EXOSC5: variants seen among roughly 807,000 people sequenced by gnomAD.
EXOSC5 encodes exosome component 5.
In EXOSC5, 15 loss-of-function variants were observed where a neutral mutation model predicts 23.7. That is an observed-to-expected ratio of 0.63 (90% CI 0.42 to 0.97). The LOEUF is 0.97. EXOSC5 is among the 50% of genes least tolerant of loss of function. The pLI, the probability that EXOSC5 is intolerant of heterozygous loss-of-function variation, is 0.00. For synonymous variants in EXOSC5, 143 were observed against 140.9 expected, an observed-to-expected ratio of 1.02 and a Z score of -0.11; for missense variants, 305 against 316.3, an observed-to-expected ratio of 0.96 and a Z score of 0.27.
intron 2 of EXOSC5, 61 bp from the exon 3 acceptor site, chr19:41,392,023 C>A (rs1042461385): frequency 3.2e-6 from 5 of 1,538,474 alleles, no homozygotes; most frequent in East Asian, 2.5e-5. Flanking sequence ...TTCCTCCATA[C>A]GCCTCACCCA....
At chr19:41,387,179 C>T (rs2038990685) in intron 5 of EXOSC5, among the ~76,000 whole-genome samples, 1 of 152,182 alleles carries the variant, frequency 6.6e-6, no homozygotes, top group Non-Finnish European at 1.5e-5. Context: ...CTTTTGCAGA[C>T]AGTCATGTCC....
intron 4 of EXOSC5, among the ~76,000 whole-genome samples, chr19:41,388,077 A>ATT (rs2038997781): frequency 6.6e-6 from 1 of 152,114 alleles, no homozygotes; most frequent in Non-Finnish European, 1.5e-5. Flanking sequence ...AAGCGCAGCC[A>ATT]TTTTTTGTCT....
intron 4 of EXOSC5, among the ~76,000 whole-genome samples, chr19:41,388,322 A>G (rs1002674137): frequency 1.3e-5 from 2 of 152,028 alleles, no homozygotes; most frequent in African/African-American, 4.8e-5. Flanking sequence ...TATTTCCCAG[A>G]CTCCCTTACC....
intron 1 of EXOSC5, among the ~76,000 whole-genome samples, chr19:41,395,954 C>G (rs1253656154): frequency 6.6e-6 from 1 of 152,162 alleles, no homozygotes; most frequent in Admixed American, 6.5e-5. Context: ...TCAAACCAAA[C>G]TATACGTAAG....
Position 41,386,649 on chromosome 19 carries a change from C to T in EXOSC5, c.692G>A (p.Arg231His), listed in dbSNP as rs554838531. The change falls in exon 6 of 6, where the codon CGT becomes CAT. Residue 231 changes from arginine (R) to histidine (H), a missense_variant. Transcript: ENST00000221233. ...FRFYRESLQR[R>H]YSKS ...CAGCTTGCCTCAGCTCTTGGAGTAA[C>T]GCCTCTGCAGCGATTCCCGGTAGAA... 1.0e-5 allele frequency: 16 copies of T among 1,593,442 alleles called. No individual in the cohort carries two copies. Among genetic ancestry groups the T allele is most frequent in the Non-Finnish European group, 1.2e-5 (14 of 1,170,090 alleles).
At chr19:41,395,054 A>T (rs1390133186) in intron 1 of EXOSC5, among the ~76,000 whole-genome samples, 3 of 151,496 alleles carry the variant, frequency 2.0e-5, no homozygotes, top group Admixed American at 2.0e-4. Context: ...AAAGAAAAAA[A>T]AAAAAAGAAC....
At position 41,397,347 on chromosome 19, in the gene EXOSC5, G is replaced by T; in HGVS notation, c.-19C>A. 6.3e-7 allele frequency: 1 copy of T among 1,587,838 alleles called. No individual in the cohort carries two copies. Among genetic ancestry groups the T allele is most frequent in the Non-Finnish European group, 8.6e-7 (1 of 1,163,094 alleles). On this transcript the variant is annotated 5_prime_UTR_variant, in exon 1 of 6. Coordinates refer to ENST00000221233, the MANE Select transcript of EXOSC5 (RefSeq NM_020158.4). ...CCTCCATCGCGCCGAGCCCACGTGC[G>T]GCTGCAGTTGTCACTTCCGCCTGGC... is the stretch of plus-strand genomic sequence containing the variant.
Position 41,389,789 on chromosome 19 carries a change from C to T in EXOSC5, c.501G>A (p.Leu167=). ...CALDSDGTLV[L]DPTSKQEKEA... is the part of the protein sequence containing the mutation. ...CCTTTTCTTGCTTGGATGTAGGATC[C>T]AGCACGAGGGTCCCATCAGAGTCCA... Residue 167 remains leucine (L), a synonymous_variant, in exon 4 of 6, where the codon CTG becomes CTA. Transcript: ENST00000221233. The T allele has an allele frequency of 6.2e-7, 1 of 1,614,004 alleles. No homozygotes were observed. Among genetic ancestry groups the T allele is most frequent in the Non-Finnish European group, 8.5e-7 (1 of 1,179,960 alleles).
rs1388997359 is a variant in EXOSC5, at chr19:41,387,502, C to A, written c.615+12G>T. The A allele has an allele frequency of 6.3e-7, 1 of 1,583,922 alleles. No homozygotes were observed. Among genetic ancestry groups the A allele is most frequent in the East Asian group, 2.3e-5 (1 of 43,924 alleles). The stretch of plus-strand genomic sequence containing the variant: ...AAGGTTCTGGCTTTTCCCCTCATCC[C>A]CATGCTGGTACCTCAGTGTCTGAGT... On this transcript the variant is annotated intron_variant, in intron 5 of 5. Coordinates refer to ENST00000221233, the MANE Select transcript of EXOSC5 (RefSeq NM_020158.4).
chr19:41,388,905 G>A (rs1026040996), intron 4 of EXOSC5, among the ~76,000 whole-genome samples: 11 of 152,298 alleles, frequency 7.2e-5, no homozygotes, highest in Admixed American at 2.6e-4. Flanking sequence ...AGGCAGGGAC[G>A]AGAAGTGAAG....
At chr19:41,395,540 C>T (rs190293538) in intron 1 of EXOSC5, among the ~76,000 whole-genome samples, 86 of 152,358 alleles carry the variant, frequency 5.6e-4, no homozygotes, top group African/African-American at 2.0e-3. Context: ...GGCAGCTCAA[C>T]ATCGTCACCA....
At chr19:41,393,634 A>T (rs182335007) in intron 1 of EXOSC5, among the ~76,000 whole-genome samples, 1 of 151,234 alleles carries the variant, frequency 6.6e-6, no homozygotes, top group Admixed American at 6.6e-5. Context: ...ATCTCGGCTC[A>T]CCGCAACCTC....
chr19:41,387,689 G>T, intron 4 of EXOSC5, 86 bp from the exon 5 acceptor site: 2 of 950,938 alleles, frequency 2.1e-6, no homozygotes, highest in Non-Finnish European at 3.0e-6. Flanking sequence ...CAGGCACAGT[G>T]GCTCATGACC....
At position 41,386,450 on chromosome 19, in the gene EXOSC5, C is replaced by T. The variant is rs2038984500; in HGVS notation, c.*183G>A. On this transcript the variant is annotated 3_prime_UTR_variant, in exon 6 of 6. Coordinates refer to ENST00000221233, the MANE Select transcript of EXOSC5 (RefSeq NM_020158.4). ...TGAATGTTATCCTTGCTGGGGGGAT[C>T]TGTGCCCCCAGGCCTGGGGGCTGTC... 2 of 565,426 alleles carry T rather than the reference C, an allele frequency of 3.5e-6. No individual in the cohort carries two copies. Among genetic ancestry groups the T allele is most frequent in the East Asian group, 2.9e-5 (1 of 34,404 alleles). The allele number at this position is 565,426 out of a possible 1,614,324, so 35.0% of individuals were successfully genotyped here. A position where few individuals can be genotyped will look rare whatever the true frequency, so the allele number is the denominator to read the frequency against.
intron 2 of EXOSC5, 105 bp from the exon 3 acceptor site, chr19:41,392,067 G>A (rs2039027309): frequency 3.4e-6 from 5 of 1,482,746 alleles, no homozygotes; most frequent in Non-Finnish European, 3.6e-6. Context: ...CTCAGCCTGG[G>A]ATGGTGCAGT....
Position 41,397,240 on chromosome 19 carries a change from T to C in EXOSC5, c.89A>G (p.His30Arg), listed in dbSNP as rs926708717. The C allele has an allele frequency of 6.2e-7, 1 of 1,614,192 alleles. No individual in the cohort carries two copies. Among genetic ancestry groups the C allele is most frequent in the Non-Finnish European group, 8.5e-7 (1 of 1,180,014 alleles). ...SPRGPGCSLR[H>R]FACEQNLLSR... ...CAGCAGGTTCTGTTCGCAGGCAAAGTGCCGGAGGCTGCAGCCAGGACCCCG... is the reference window on the plus strand; with the variant it reads ...CAGCAGGTTCTGTTCGCAGGCAAAGCGCCGGAGGCTGCAGCCAGGACCCCG... Residue 30 changes from histidine (H) to arginine (R), a missense_variant, in exon 1 of 6, where the codon CAC becomes CGC. Transcript: ENST00000221233.
At chr19:41,390,091 C>T (rs2039013016) in intron 3 of EXOSC5, among the ~76,000 whole-genome samples, 186 bp from the exon 4 acceptor site, 1 of 152,110 alleles carries the variant, frequency 6.6e-6, no homozygotes. Context: ...CACCACCACA[C>T]CCGGCTAATC....
Position 41,392,856 on chromosome 19 carries a change from G to A in EXOSC5, c.262+11C>T, listed in dbSNP as rs1164255496. ...TGGGCACCACTCAGAGGTTCAGCAG[G>A]GCCCAATTACCAGGCAGCCCAATCT... On this transcript the variant is annotated intron_variant, in intron 2 of 5. Coordinates refer to ENST00000221233, the MANE Select transcript of EXOSC5 (RefSeq NM_020158.4). 4 of 1,612,626 alleles carry A rather than the reference G, an allele frequency of 2.5e-6. No individual in the cohort carries two copies. The Admixed American group carries it at 5.0e-5, about 20-fold the overall frequency.
At chr19:41,394,865 T>A (rs1265167660) in intron 1 of EXOSC5, among the ~76,000 whole-genome samples, 1 of 151,922 alleles carries the variant, frequency 6.6e-6, no homozygotes, top group Admixed American at 6.6e-5. Context: ...AAACCCCGTC[T>A]CTACTAAAAA....
Sources: allele counts gnomAD v4.1 joint callset (sites outside exome capture counted in the v4.1 genomes callset), GRCh38; gene constraint gnomAD v4.1.1; transcripts MANE v1.5; gene names NCBI Gene and HGNC (gene_info 2026-07-23, HGNC 2026-07-21).